Variants in RFC3 observed in about 807,000 individuals in gnomAD.
The protein encoded by RFC3 is replication factor C subunit 3.
RFC3 carries 41 observed loss-of-function variants against 45.1 expected under a neutral mutation model. That is an observed-to-expected ratio of 0.91 (90% CI 0.71 to 1.18). The LOEUF (loss-of-function observed/expected upper bound fraction) is 1.18. RFC3 is among the 50% of genes most tolerant of loss of function. RFC3 has a pLI of 0.00. For missense variants in RFC3, 423 were observed against 428.1 expected (o/e 0.99, Z 0.10); for synonymous variants, 149 against 144.0 (o/e 1.03, Z -0.25).
intron 8 of RFC3, among the ~76,000 whole-genome samples, chr13:33,931,118 A>G (rs895562251): frequency 6.6e-6 from 1 of 152,124 alleles, no homozygotes; most frequent in African/African-American, 2.4e-5. Context: ...GATCTTGGAC[A>G]TATTGAATTG....
chr13:33,862,705 TGAAAAGCA>T (rs1373791232), intron 8 of RFC3, among the ~76,000 whole-genome samples: 2 of 152,240 alleles, frequency 1.3e-5, no homozygotes, highest in African/African-American at 4.8e-5. Flanking sequence ...ATATACATAT[TGAAAAGCA>T]TATCTTCTAT....
At chr13:33,831,379 A>T (rs751645854) in intron 7 of RFC3, 25 bp downstream of exon 7, 11 of 1,260,066 alleles carry the variant, frequency 8.7e-6, no homozygotes, top group Non-Finnish European at 1.3e-5. Context: ...TGATGACAGT[A>T]AAGCTTTCAT....
chr13:33,920,396 A>G (rs1225193961), intron 8 of RFC3, among the ~76,000 whole-genome samples: 2 of 138,386 alleles, frequency 1.4e-5, no homozygotes, highest in African/African-American at 5.4e-5. Context: ...TGCATGTGTG[A>G]GTTTTAGAAT....
intron 8 of RFC3, among the ~76,000 whole-genome samples, chr13:33,842,855 T>A (rs1419524405): frequency 6.6e-6 from 1 of 152,200 alleles, no homozygotes; most frequent in Non-Finnish European, 1.5e-5. Context: ...TTTCCATGTG[T>A]GAATCAGTGT....
chr13:33,916,719 T>C (rs1443387047), intron 8 of RFC3, among the ~76,000 whole-genome samples: 2 of 152,164 alleles, frequency 1.3e-5, no homozygotes, highest in African/African-American at 4.8e-5. Flanking sequence ...TATGCATGTT[T>C]ATATGCATAT....
intron 8 of RFC3, among the ~76,000 whole-genome samples, chr13:33,933,028 C>G (rs539163059): frequency 6.6e-6 from 1 of 152,180 alleles, no homozygotes. Context: ...ACAATTATAC[C>G]CCCTTTACCC....
intron 8 of RFC3, among the ~76,000 whole-genome samples, chr13:33,909,048 C>T (rs933649626): frequency 6.6e-6 from 1 of 152,134 alleles, no homozygotes; most frequent in East Asian, 1.9e-4. Flanking sequence ...AATGTTCTCC[C>T]AAATGTCTGG....
At chr13:33,879,021 A>G (rs117429185) in intron 8 of RFC3, among the ~76,000 whole-genome samples, 2,720 of 152,242 alleles carry the variant, frequency 0.018, 34 homozygotes, top group Non-Finnish European at 0.028. Context: ...ATCTTTTGGT[A>G]CATATGAGAA....
At chr13:33,968,834 T>G (rs1273315363), downstream of RFC3, among the ~76,000 whole-genome samples, 1 of 152,202 alleles carries the variant, frequency 6.6e-6, no homozygotes, top group Non-Finnish European at 1.5e-5. Flanking sequence ...TTCTGGTTAT[T>G]AAAGAGAAGA....
At position 33,836,818 on chromosome 13, in the gene RFC3, T is replaced by A. The variant is rs2082159050; in HGVS notation, c.*523T>A. 1.0e-6 allele frequency: 1 copy of A among 985,732 alleles called. No individual in the cohort carries two copies. The highest frequency in any genetic ancestry group is 1.2e-6 in the Non-Finnish European group (1 of 830,230). 61.1% of individuals were successfully genotyped at this position (985,732 alleles called of 1,614,324 possible). On this transcript the variant is annotated 3_prime_UTR_variant, in exon 9 of 9. Coordinates refer to ENST00000380071, the MANE Select transcript of RFC3 (RefSeq NM_002915.4). Reference sequence around the variant, plus strand: ...TTGCAGATACCATTTCTGTTGAGGCTGCAGATTTCCAACTTTTATTTCAGT... The same window carrying A: ...TTGCAGATACCATTTCTGTTGAGGCAGCAGATTTCCAACTTTTATTTCAGT...
intron 8 of RFC3, among the ~76,000 whole-genome samples, chr13:33,887,856 G>A (rs1241450692): frequency 1.3e-5 from 2 of 152,018 alleles, no homozygotes; most frequent in Admixed American, 6.5e-5. Flanking sequence ...TGGCTAGCCA[G>A]TTTTCCCAGC....
Position 33,870,986 on chromosome 13 carries a change from C to T in RFC3, c.879+35769C>T, listed in dbSNP as rs569674781. Among the ~76,000 whole-genome samples the T allele has an allele frequency of 4.3e-4, 66 of 152,224 alleles. 1 individual carries two copies. Among genetic ancestry groups the T allele is most frequent in the Admixed American group, 1.1e-3 (17 of 15,292 alleles). ...GTCTCTGTGCTTTTCACACTGTGTC[C>T]CCTGTAGACCCTCAGAGTTAGAAGG... On this transcript the variant is annotated intron_variant, in intron 8 of 8. Transcript: ENST00000434425.
intron 8 of RFC3, among the ~76,000 whole-genome samples, chr13:33,894,307 T>C (rs1253775185): frequency 6.6e-6 from 1 of 151,534 alleles, no homozygotes; most frequent in Admixed American, 6.6e-5. Context: ...TGGTGGGGAG[T>C]ATATGAGAAG....
intron 8 of RFC3, among the ~76,000 whole-genome samples, chr13:33,875,474 T>G (rs1192844171): frequency 6.6e-6 from 1 of 152,164 alleles, no homozygotes; most frequent in African/African-American, 2.4e-5. Context: ...TTAAATAAAC[T>G]GAAAAATGTT....
chr13:33,833,003 C>G lies in RFC3; in HGVS notation c.809+1649C>G, dbSNP rs370609108. Among the ~76,000 whole-genome samples the G allele has an allele frequency of 4.6e-5, 7 of 152,136 alleles. No individual in the cohort carries two copies. The East Asian group carries it at 1.2e-3, about 25-fold the overall frequency. On this transcript the variant is annotated intron_variant, in intron 7 of 8. Transcript: ENST00000380071. ...CACATTTTGACGGCTTATAAATGAACTTGTGCAGGAAGCGGTGCTCCTGTT... is the reference window on the plus strand; with the variant it reads ...CACATTTTGACGGCTTATAAATGAAGTTGTGCAGGAAGCGGTGCTCCTGTT...
At chr13:33,887,622 A>G (rs2082534667) in intron 8 of RFC3, among the ~76,000 whole-genome samples, 1 of 152,158 alleles carries the variant, frequency 6.6e-6, no homozygotes, top group South Asian at 2.1e-4. Context: ...TTTGCTGTGC[A>G]GGAGCTCTTT....
chr13:33,866,252 T>C (rs191081865), intron 8 of RFC3, among the ~76,000 whole-genome samples: 4 of 152,298 alleles, frequency 2.6e-5, no homozygotes, highest in Admixed American at 2.0e-4. Context: ...CCAGGGGTTT[T>C]TTCTGTAGGC....
intron 8 of RFC3, among the ~76,000 whole-genome samples, chr13:33,896,099 C>T (rs185939794): frequency 4.6e-5 from 7 of 151,862 alleles, no homozygotes; most frequent in African/African-American, 7.2e-5. Flanking sequence ...TCTCTAACTT[C>T]GCCACTGTAC....
intron 8 of RFC3, among the ~76,000 whole-genome samples, chr13:33,872,550 A>G (rs575780493): frequency 5.8e-4 from 89 of 152,264 alleles, no homozygotes; most frequent in Non-Finnish European, 9.9e-4. Context: ...CCTGACCAAC[A>G]TGGAGAAACC....
Sources: allele counts gnomAD v4.1 joint callset (sites outside exome capture counted in the v4.1 genomes callset), GRCh38; gene constraint gnomAD v4.1.1; transcripts MANE v1.5; gene names NCBI Gene and HGNC (gene_info 2026-07-23, HGNC 2026-07-21).